Variants in IL1RAPL2 observed in about 807,000 individuals in gnomAD.
IL1RAPL2 encodes the protein X-linked interleukin-1 receptor accessory protein-like 2.
A neutral mutation model predicts 44.1 loss-of-function variants in IL1RAPL2; 3 were observed. The observed-to-expected ratio is 0.07, with a 90% CI of 0.03 to 0.18. The LOEUF (loss-of-function observed/expected upper bound fraction) is 0.18, where lower values mean the gene tolerates loss of function less well. Among genes scored for constraint, IL1RAPL2 ranks in the 10% least tolerant of loss-of-function variants. IL1RAPL2 has a pLI of 1.00. For synonymous variants in IL1RAPL2, 181 were observed against 178.8 expected (o/e 1.01, Z -0.10); for missense variants, 391 against 496.4 (o/e 0.79, Z 2.02).
At chrX:105,304,902 T>G (rs1182821820) in intron 5 of IL1RAPL2, among the ~76,000 whole-genome samples, 1 of 111,831 alleles carries the variant, frequency 8.9e-6, no homozygotes, top group Non-Finnish European at 1.9e-5. Flanking sequence ...CTCACGGTTC[T>G]GCTGGCTGTA....
rs562673115 is a variant in IL1RAPL2, at chrX:104,818,087, T to A, written c.82+159092T>A. On this transcript the variant is annotated intron_variant, in intron 2 of 10. Transcript: ENST00000372582. Reference sequence around the variant, plus strand: ...GTTAGTCAGTTTTGGCCGTGCGCGGTGGCTCACAGCTGTAATCCCAGCACT... The same window carrying A: ...GTTAGTCAGTTTTGGCCGTGCGCGGAGGCTCACAGCTGTAATCCCAGCACT... Among the ~76,000 whole-genome samples the A allele has an allele frequency of 8.2e-5, 9 of 110,393 alleles. 1 individual carries two copies. Among genetic ancestry groups the A allele is most frequent in the African/African-American group, 3.0e-4 (9 of 30,317 alleles).
chrX:104,976,224 C>G (rs1179588021), intron 2 of IL1RAPL2, among the ~76,000 whole-genome samples: 1 of 111,187 alleles, frequency 9.0e-6, no homozygotes, highest in Non-Finnish European at 1.9e-5. Flanking sequence ...AAAAGACACC[C>G]TAGTGGTCAG....
chrX:105,688,406 C>T (rs1462472570), intron 6 of IL1RAPL2, among the ~76,000 whole-genome samples: 1 of 111,565 alleles, frequency 9.0e-6, no homozygotes, highest in Non-Finnish European at 1.9e-5. Context: ...GCAAAAATCA[C>T]AAGCTTTCCT....
At chrX:104,720,044 A>G (rs1931646405) in intron 2 of IL1RAPL2, among the ~76,000 whole-genome samples, 1 of 111,786 alleles carries the variant, frequency 8.9e-6, no homozygotes, top group Non-Finnish European at 1.9e-5. Context: ...TGGTAAGCTG[A>G]TATCCAGAGT....
chrX:104,847,229 T>G (rs749855645), intron 2 of IL1RAPL2, among the ~76,000 whole-genome samples: 1 of 112,300 alleles, frequency 8.9e-6, no homozygotes, highest in African/African-American at 3.2e-5. Flanking sequence ...TGGCTTTTGT[T>G]GCCATTGCTT....
At chrX:105,648,866 A>G (rs971941354) in intron 6 of IL1RAPL2, among the ~76,000 whole-genome samples, 2 of 111,501 alleles carry the variant, frequency 1.8e-5, no homozygotes, top group Admixed American at 9.5e-5. Flanking sequence ...GGGCAAGGTT[A>G]CCAGTGCACT....
intron 2 of IL1RAPL2, among the ~76,000 whole-genome samples, chrX:104,939,609 A>T (rs1248131243): frequency 8.9e-6 from 1 of 112,105 alleles, no homozygotes; most frequent in Non-Finnish European, 1.9e-5. Context: ...ACCAAAAATA[A>T]TTCAAAACAG....
intron 5 of IL1RAPL2, among the ~76,000 whole-genome samples, chrX:105,268,626 A>G (rs1308196219): frequency 1.8e-5 from 2 of 109,245 alleles, no homozygotes; most frequent in African/African-American, 6.7e-5. Flanking sequence ...AAAATTAGCC[A>G]GGCGTGGTGG....
chrX:105,339,110 C>T (rs2035051510), intron 5 of IL1RAPL2, among the ~76,000 whole-genome samples: 1 of 111,264 alleles, frequency 9.0e-6, no homozygotes, highest in South Asian at 3.7e-4. Flanking sequence ...CTCAAACAAA[C>T]AAACAAATAA....
chrX:105,377,472 G>T (rs2035396988), intron 5 of IL1RAPL2, among the ~76,000 whole-genome samples: 1 of 109,788 alleles, frequency 9.1e-6, no homozygotes, highest in African/African-American at 3.3e-5. Context: ...ACCTAAATTT[G>T]CCAAACAGAC....
intron 6 of IL1RAPL2, among the ~76,000 whole-genome samples, chrX:105,550,131 A>T (rs2036839935): frequency 8.9e-6 from 1 of 111,954 alleles, no homozygotes; most frequent in South Asian, 3.8e-4. Flanking sequence ...GAGAACTCTG[A>T]AATTGCCATT....
intron 5 of IL1RAPL2, among the ~76,000 whole-genome samples, chrX:105,345,953 A>G (rs1345364200): frequency 2.7e-5 from 3 of 111,699 alleles, no homozygotes; most frequent in African/African-American, 6.5e-5. Context: ...GGGCATATCT[A>G]TTGTCTCCTT....
At chrX:104,736,086 C>A (rs1233526613) in intron 2 of IL1RAPL2, among the ~76,000 whole-genome samples, 1 of 111,242 alleles carries the variant, frequency 9.0e-6, no homozygotes, top group East Asian at 2.9e-4. Flanking sequence ...AAGTGGAATG[C>A]CCTAACTTCT....
intron 6 of IL1RAPL2, among the ~76,000 whole-genome samples, chrX:105,687,551 AC>A (rs1467819998): frequency 8.9e-6 from 1 of 111,746 alleles, no homozygotes; most frequent in East Asian, 2.8e-4. Flanking sequence ...CTCTGAATAG[AC>A]CAATAATAGG....
chrX:104,635,676 C>T (rs766917932), intron 1 of IL1RAPL2, among the ~76,000 whole-genome samples: 22 of 111,826 alleles, frequency 2.0e-4, no homozygotes, highest in South Asian at 3.8e-4. Context: ...GTTCTCGTTC[C>T]GTGGTTTTCA....
At chrX:104,887,126 C>T (rs944629225) in intron 2 of IL1RAPL2, among the ~76,000 whole-genome samples, 1 of 112,214 alleles carries the variant, frequency 8.9e-6, no homozygotes, top group African/African-American at 3.2e-5. Context: ...GTGGGGGTTC[C>T]TTGGAATCAC....
Position 104,837,228 on chromosome X carries a change from C to A in IL1RAPL2, c.82+178233C>A, listed in dbSNP as rs757126813. The stretch of plus-strand genomic sequence containing the variant: ...CTTTATACTAGAATGATTTATATTC[C>A]TTTGGGTACATAGCCAGTAATGGGA... On this transcript the variant is annotated intron_variant, in intron 2 of 10. Transcript: ENST00000372582. Among the ~76,000 whole-genome samples the A allele has an allele frequency of 7.3e-4, 81 of 111,327 alleles. 1 individual carries two copies. Among genetic ancestry groups the A allele is most frequent in the Non-Finnish European group, 1.3e-3 (67 of 53,043 alleles).
intron 2 of IL1RAPL2, among the ~76,000 whole-genome samples, chrX:104,770,406 C>G (rs933026082): frequency 3.6e-5 from 4 of 111,421 alleles, no homozygotes; most frequent in African/African-American, 1.3e-4. Flanking sequence ...CCCCAGGAAG[C>G]TTGATGTAAT....
At chrX:105,715,278 GC>G (rs1269194706) in intron 6 of IL1RAPL2, among the ~76,000 whole-genome samples, 1 of 111,849 alleles carries the variant, frequency 8.9e-6, no homozygotes, top group African/African-American at 3.3e-5. Flanking sequence ...CAAAGTGTGG[GC>G]CCAGGGAAGA....
Sources: allele counts gnomAD v4.1 joint callset (sites outside exome capture counted in the v4.1 genomes callset), GRCh38; gene constraint gnomAD v4.1.1; transcripts MANE v1.5; gene names NCBI Gene and HGNC (gene_info 2026-07-23, HGNC 2026-07-21).